Variants in PTPRN2 observed in about 807,000 individuals in gnomAD.
PTPRN2 encodes the protein receptor-type tyrosine-protein phosphatase N2.
A neutral mutation model predicts 118.8 loss-of-function variants in PTPRN2; 74 were observed. The ratio of observed to expected loss-of-function variants is 0.62; its 90% CI spans 0.52 to 0.76. The LOEUF is 0.76. Ranked by LOEUF, PTPRN2 falls within the 30% of genes least tolerant of loss-of-function variation. The probability of loss-of-function intolerance (pLI) is 0.00; values close to 1 mark genes in which losing one functional copy is unlikely to be tolerated. For missense variants in PTPRN2, 1,481 were observed against 1,394.4 expected (o/e 1.06, Z -0.99); for synonymous variants, 641 against 608.0 (o/e 1.05, Z -0.80).
intron 2 of PTPRN2, among the ~76,000 whole-genome samples, chr7:158,363,321 T>C (rs1281560241): frequency 6.6e-6 from 1 of 151,976 alleles, no homozygotes; most frequent in African/African-American, 2.4e-5. Flanking sequence ...CCTGAGAAGC[T>C]ATGGGAGGAT....
intron 3 of PTPRN2, among the ~76,000 whole-genome samples, chr7:158,248,523 C>T (rs1299498492): frequency 1.4e-5 from 2 of 144,034 alleles, no homozygotes; most frequent in African/African-American, 5.2e-5. Flanking sequence ...ACAAAACACT[C>T]CCACACACAC....
chr7:158,003,988 C>T lies in PTPRN2; in HGVS notation c.1723+77310G>A, dbSNP rs190634659. On this transcript the variant is annotated intron_variant, in intron 11 of 22. Transcript: ENST00000389418. This position sits in a 1 kb window ranked among gnomAD's most constrained non-coding sequence, Gnocchi z 5.0. ...CGTGTCAGCACCTTGGGAGCCTGGC[C>T]AGTGTTTCATTTCACTGAGTTCCAG... is the stretch of plus-strand genomic sequence containing the variant. 2.9e-3 allele frequency among the ~76,000 whole-genome samples: 445 copies of T among 152,254 alleles called. No homozygotes were observed. Among genetic ancestry groups the T allele is most frequent in the African/African-American group, 0.01 (423 of 41,556 alleles).
chr7:157,541,251 T>G (rs1798000098), intron 22 of PTPRN2, among the ~76,000 whole-genome samples: 1 of 152,234 alleles, frequency 6.6e-6, no homozygotes, highest in African/African-American at 2.4e-5. Flanking sequence ...GCGTTTCCTG[T>G]CCTCGGAAGT....
rs967079071 is a variant in PTPRN2, at chr7:157,550,437, G to T, written c.2903-1418C>A. Among the ~76,000 whole-genome samples the T allele has an allele frequency of 2.6e-5, 4 of 152,256 alleles. No individual in the cohort carries two copies. In the East Asian group the frequency reaches 7.7e-4, roughly 29 times the overall value. ...CATGTTTGCATGAAGGGAGAACAAA[G>T]CAGGTGGTGTGGAGAATCTGGCTGT... On this transcript the variant is annotated intron_variant, in intron 21 of 22. Coordinates refer to ENST00000389418, the MANE Select transcript of PTPRN2 (RefSeq NM_002847.5). This position sits in a 1 kb window ranked among gnomAD's most constrained non-coding sequence, Gnocchi z 5.2.
intron 1 of PTPRN2, among the ~76,000 whole-genome samples, chr7:158,501,884 C>T (rs1822387548): frequency 6.6e-6 from 1 of 152,202 alleles, no homozygotes; most frequent in Non-Finnish European, 1.5e-5. Flanking sequence ...CCACCAGCAC[C>T]GCGCCCAGCT....
At chr7:158,524,379 A>AGTC (rs200960753) in intron 1 of PTPRN2, among the ~76,000 whole-genome samples, 1 of 112,380 alleles carries the variant, frequency 8.9e-6, no homozygotes, top group Non-Finnish European at 1.8e-5. Context: ...CCTGGAGTGG[A>AGTC]GTCTGCCCTG....
intron 3 of PTPRN2, among the ~76,000 whole-genome samples, chr7:158,315,201 G>A (rs112143272): frequency 1.3e-4 from 7 of 51,894 alleles, no homozygotes; most frequent in Non-Finnish European, 1.7e-4. Flanking sequence ...AGGTGAACCC[G>A]GGACGCCCTC....
intron 3 of PTPRN2, among the ~76,000 whole-genome samples, chr7:158,262,597 CATT>C (rs1797527008): frequency 6.7e-6 from 1 of 149,904 alleles, no homozygotes; most frequent in African/African-American, 2.5e-5. Flanking sequence ...CATTCACACA[CATT>C]CACACACACT....
intron 12 of PTPRN2, among the ~76,000 whole-genome samples, chr7:157,743,909 C>T (rs1232285215): frequency 2.0e-5 from 3 of 152,216 alleles, no homozygotes; most frequent in Non-Finnish European, 4.4e-5. Context: ...TCTTTGCCAC[C>T]AGCCACGGAA....
chr7:158,329,124 G>A lies in PTPRN2; in HGVS notation c.164-12192C>T, dbSNP rs1348828521. On this transcript the variant is annotated intron_variant, in intron 2 of 22. Transcript: ENST00000389418. ...CACAGCCCACTGCACCGAGGGAGGC[G>A]CACGACAGAAGCCACAGCTTGAGGG... is the stretch of plus-strand genomic sequence containing the variant. Among the ~76,000 whole-genome samples the A allele has an allele frequency of 7.9e-5, 12 of 152,332 alleles. No homozygotes were observed. In the East Asian group the frequency reaches 1.2e-3, roughly 15 times the overall value.
At chr7:158,106,450 T>C (rs537495717) in intron 10 of PTPRN2, among the ~76,000 whole-genome samples, 116 of 152,292 alleles carry the variant, frequency 7.6e-4, no homozygotes, top group African/African-American at 2.5e-3. Context: ...GGCTCCAGCT[T>C]CTTTCTTAGC....
intron 6 of PTPRN2, among the ~76,000 whole-genome samples, chr7:158,155,145 T>A (rs1821585817): frequency 1.3e-5 from 2 of 152,202 alleles, no homozygotes; most frequent in Non-Finnish European, 2.9e-5. Flanking sequence ...AATGTCAGGA[T>A]ATTAAATGTG....
At chr7:158,091,350 C>G (rs1814108610) in intron 10 of PTPRN2, among the ~76,000 whole-genome samples, 1 of 152,140 alleles carries the variant, frequency 6.6e-6, no homozygotes, top group Non-Finnish European at 1.5e-5. Flanking sequence ...TAAAGTTAAT[C>G]ATTTAATGTT....
chr7:158,509,273 G>A lies in PTPRN2; in HGVS notation c.113-19488C>T, dbSNP rs903150746. Among the ~76,000 whole-genome samples, 6 of 152,278 alleles carry A rather than the reference G, an allele frequency of 3.9e-5. No homozygotes were observed. Among genetic ancestry groups the A allele is most frequent in the African/African-American group, 1.2e-4 (5 of 41,552 alleles). On this transcript the variant is annotated intron_variant, in intron 1 of 22. Transcript: ENST00000389418. This position sits in a 1 kb window ranked among gnomAD's most constrained non-coding sequence, Gnocchi z 4.4. ...GCACCATCCACTTCCTTTCCTTGCC[G>A]GCCCGTCAGTCACAGCATCGGAAGA...
chr7:158,440,858 TGGGGGC>T lies in PTPRN2; in HGVS notation c.163+48871_163+48876del, dbSNP rs1816980886. ...GTGATGGCAGTGACGGGGGTGGTGG[TGGGGGC>T]AGTGGTATTGGTGGTGGTGGTGAAG... On this transcript the variant is annotated intron_variant, in intron 2 of 22. Coordinates refer to ENST00000389418, the MANE Select transcript of PTPRN2 (RefSeq NM_002847.5). 3.3e-4 allele frequency among the ~76,000 whole-genome samples: 31 copies of T among 92,944 alleles called. 1 individual carries two copies. The highest frequency in any genetic ancestry group is 1.1e-3 in the Admixed American group (9 of 7,964). The allele number at this position is 92,944 out of a possible 152,430, so 61.0% of individuals were successfully genotyped here. A position where few individuals can be genotyped will look rare whatever the true frequency, so the allele number is the denominator to read the frequency against.
At chr7:157,818,941 C>A (rs1585548927) in intron 12 of PTPRN2, among the ~76,000 whole-genome samples, 1 of 151,990 alleles carries the variant, frequency 6.6e-6, no homozygotes, top group East Asian at 1.9e-4. Context: ...GCACCCGTGA[C>A]AACTGCACCC....
At chr7:157,827,613 G>A (rs758350162) in intron 12 of PTPRN2, among the ~76,000 whole-genome samples, 3 of 152,314 alleles carry the variant, frequency 2.0e-5, no homozygotes, top group South Asian at 2.1e-4. Flanking sequence ...CCAGGGAGTG[G>A]GCACTGCGTC....
At chr7:157,818,224 G>A (rs1806558713) in intron 12 of PTPRN2, among the ~76,000 whole-genome samples, 1 of 152,050 alleles carries the variant, frequency 6.6e-6, no homozygotes, top group Admixed American at 6.6e-5. Context: ...TTGCATGCAT[G>A]TGTATGTGTG....
rs1406474075 is a variant in PTPRN2 at position 157,596,788 on chromosome 7, A to G, written c.2419-1473T>C. Among the ~76,000 whole-genome samples, 1 of 152,224 alleles carries G rather than the reference A, an allele frequency of 6.6e-6. No individual in the cohort carries two copies. The highest frequency in any genetic ancestry group is 1.5e-5 in the Non-Finnish European group (1 of 68,042). On this transcript the variant is annotated intron_variant, in intron 16 of 22. Coordinates refer to ENST00000389418, the MANE Select transcript of PTPRN2 (RefSeq NM_002847.5). This position sits in a 1 kb window ranked among gnomAD's most constrained non-coding sequence, Gnocchi z 4.2. Reference sequence around the variant, plus strand: ...CACAGTCCTTTCTTCTATTGTGTCTAGGACTAAAATGGACTCTTTTGCTAT... The same window carrying G: ...CACAGTCCTTTCTTCTATTGTGTCTGGGACTAAAATGGACTCTTTTGCTAT...
Sources: allele counts gnomAD v4.1 joint callset (sites outside exome capture counted in the v4.1 genomes callset), GRCh38; gene constraint gnomAD v4.1.1; non-coding constraint Gnocchi (gnomAD v3.1); transcripts MANE v1.5; gene names NCBI Gene and HGNC (gene_info 2026-07-23, HGNC 2026-07-21).